The following TET3 variants were observed in gnomAD, a reference collection of about 807,000 sequenced individuals.
The protein encoded by TET3 is methylcytosine dioxygenase TET3.
Under a neutral mutation model 141.4 loss-of-function variants are expected in TET3, and 19 were observed. That is an observed-to-expected ratio of 0.13 (90% CI 0.09 to 0.20). The LOEUF (loss-of-function observed/expected upper bound fraction) is 0.20. Among genes scored for constraint, TET3 ranks in the 10% least tolerant of loss-of-function variants. The pLI, the probability that TET3 is intolerant of heterozygous loss-of-function variation, is 1.00. For missense variants in TET3, 1,874 were observed against 2,356.9 expected (o/e 0.80, Z 4.24); for synonymous variants, 1,043 against 980.9 (o/e 1.06, Z -1.18).
intron 4 of TET3, among the ~76,000 whole-genome samples, chr2:74,056,114 C>T (rs1282785578): frequency 6.6e-6 from 1 of 152,210 alleles, no homozygotes; most frequent in Non-Finnish European, 1.5e-5. Flanking sequence ...GACATCTGTA[C>T]ATTAATTGTA....
Position 74,100,937 on chromosome 2 carries a change from C to G in TET3, c.4149C>G (p.Ser1383=). The G allele has an allele frequency of 6.2e-7, 1 of 1,610,874 alleles. No homozygotes were observed. The highest frequency in any genetic ancestry group is 1.3e-5 in the African/African-American group (1 of 74,960). Residue 1383 remains serine, a synonymous_variant, in exon 12 of 12, where the codon TCC becomes TCG. Coordinates refer to ENST00000409262, the MANE Select transcript of TET3 (RefSeq NM_001287491.2). ...PLLHSVSRDP[S]PFAQSSNCYN... The stretch of plus-strand genomic sequence containing the variant: ...TCCACTCAGTGTCCAGGGACCCCTC[C>G]CCCTTTGCCCAGAGCTCCAACTGCT...
chr2:74,023,353 C>T (rs1686159457), intron 3 of TET3, among the ~76,000 whole-genome samples: 1 of 152,042 alleles, frequency 6.6e-6, no homozygotes. Context: ...ATCACTCCTC[C>T]TGCCTCAGCC....
Position 73,985,432 on chromosome 2 carries a change from C to G in TET3, c.-425+275C>G, listed in dbSNP as rs1683967123. 2.1e-5 allele frequency among the ~76,000 whole-genome samples: 3 copies of G among 144,136 alleles called. No homozygotes were observed. The South Asian group carries it at 6.3e-4, about 30-fold the overall frequency. The allele number at this position is 144,136 out of a possible 152,430, so 94.6% of individuals were successfully genotyped here. A position where few individuals can be genotyped will look rare whatever the true frequency, so the allele number is the denominator to read the frequency against. ...GCGGCGGCGCGCGCGCGGCCCGGCC[C>G]GCGGCTCGAGCGCGCCCCCCTCCCC... On this transcript the variant is annotated intron_variant, in intron 1 of 11. Transcript: ENST00000409262.
At chr2:74,076,441 G>GTTTTTTTTTTTTTTTTTT (rs70965785) in intron 5 of TET3, among the ~76,000 whole-genome samples, 3 of 56,584 alleles carry the variant, frequency 5.3e-5, no homozygotes, top group Non-Finnish European at 9.8e-5. Flanking sequence ...ATTCCTCTGG[G>GTTTTTTTTTTTTTTTTTT]TTTTTTTTTT....
intron 8 of TET3, 29 bp from the exon 9 acceptor site, chr2:74,092,873 T>G: frequency 1.9e-6 from 3 of 1,562,076 alleles, no homozygotes; most frequent in Non-Finnish European, 2.6e-6. Context: ...GGGGCTGCTC[T>G]GGATGTGTGA....
At chr2:74,038,805 A>T (rs921753435) in intron 3 of TET3, among the ~76,000 whole-genome samples, 5 of 152,212 alleles carry the variant, frequency 3.3e-5, no homozygotes, top group Admixed American at 6.5e-5. Context: ...ATACACTCTT[A>T]CGAAAAGATC....
At chr2:74,017,224 G>A (rs1417059697) in intron 3 of TET3, among the ~76,000 whole-genome samples, 1 of 152,114 alleles carries the variant, frequency 6.6e-6, no homozygotes, top group Admixed American at 6.5e-5. Context: ...AGGAGTTTGA[G>A]GCTGTAGTGA....
Position 74,093,076 on chromosome 2 carries a change from G to GA in TET3, c.3129+85_3129+86insA. ...CTGAAGGTGGGAAGTGGGAGAGTGG[G>GA]CTCTTTTACTCTCTTATGGGAAGAG... On this transcript the variant is annotated intron_variant, in intron 9 of 11. Coordinates refer to ENST00000409262, the MANE Select transcript of TET3 (RefSeq NM_001287491.2). The surrounding 1 kb of genome is among the most constrained non-coding windows in gnomAD (Gnocchi z 4.2). The GA allele has an allele frequency of 8.0e-7, 1 of 1,250,642 alleles. No homozygotes were observed. Among genetic ancestry groups the GA allele is most frequent in the South Asian group, 1.3e-5 (1 of 77,198 alleles). 77.5% of individuals were successfully genotyped at this position (1,250,642 alleles called of 1,614,324 possible). A position where few individuals can be genotyped will look rare whatever the true frequency, so the allele number is the denominator to read the frequency against.
rs894590235 is a variant in TET3, at chr2:74,101,961, G to A, written c.5173G>A (p.Glu1725Lys). The change falls in exon 12 of 12, where the codon GAG (glutamate) becomes AAG (lysine). Residue 1725 changes from glutamate to lysine, a missense_variant. Around this residue, in one of 10 missense-constraint regions of TET3, gnomAD observed 113 missense variants for 114.3 expected, o/e 0.99. Coordinates refer to ENST00000409262, the MANE Select transcript of TET3 (RefSeq NM_001287491.2). The surrounding 1 kb of genome is among the most constrained non-coding windows in gnomAD (Gnocchi z 8.5). ...QLAERARARQ[E>K]EAARLGLGQQ... ...GGCGGAGAGGGCACGGGCACGGCAG[G>A]AGGAGGCTGCCCGGCTGGGCCTGGG... 2 of 1,609,876 alleles carry A rather than the reference G, an allele frequency of 1.2e-6. No individual in the cohort carries two copies. The highest frequency in any genetic ancestry group is 1.7e-6 in the Non-Finnish European group (2 of 1,177,216).
At chr2:74,009,423 G>A (rs758576059) in intron 3 of TET3, among the ~76,000 whole-genome samples, 1 of 152,234 alleles carries the variant, frequency 6.6e-6, no homozygotes, top group Non-Finnish European at 1.5e-5. Flanking sequence ...AATAGGCTCA[G>A]GCTGGGGTAC....
chr2:74,108,916 C>A (rs1480500178), downstream of TET3, among the ~76,000 whole-genome samples: 1 of 152,166 alleles, frequency 6.6e-6, no homozygotes, highest in East Asian at 1.9e-4. Context: ...AGTGAAAATA[C>A]CATGATCATA....
At chr2:74,012,842 G>T (rs144978197) in intron 3 of TET3, among the ~76,000 whole-genome samples, 5 of 152,126 alleles carry the variant, frequency 3.3e-5, no homozygotes, top group Admixed American at 2.6e-4. Context: ...TTGAAGAAAT[G>T]GTTTCATTAC....
chr2:73,986,570 G>A lies in TET3; in HGVS notation c.167G>A (p.Arg56Gln). 1 of 1,232,224 alleles carries A rather than the reference G, an allele frequency of 8.1e-7. No individual in the cohort carries two copies. The allele number at this position is 1,232,224 out of a possible 1,614,324, so 76.3% of individuals were successfully genotyped here. The change falls in exon 2 of 12, where the codon CGG (arginine) becomes CAG (glutamine). Residue 56 changes from arginine (R) to glutamine (Q), a missense_variant. By Grantham distance (43) the Arg-to-Gln change is conservative. This residue lies in a region of TET3 where 366 missense variants were observed against 487.0 expected (regional missense o/e 0.75). Coordinates refer to ENST00000409262, the MANE Select transcript of TET3 (RefSeq NM_001287491.2). ...GGGDGRKKRK[R>Q]CGTCEPCRRL... ...GGAGATGGTCGAAAGAAACGGAAAC[G>A]GTGTGGTACTTGTGAGCCCTGCCGG...
chr2:74,120,730 T>G, the TET3 span: 1 of 152,336 alleles, frequency 6.6e-6, no homozygotes, highest in Admixed American at 6.5e-5. Flanking sequence ...CTTGAGAAAT[T>G]CATCATATCT....
chr2:74,069,589 C>A (rs1558766407), intron 4 of TET3, among the ~76,000 whole-genome samples: 1 of 147,680 alleles, frequency 6.8e-6, no homozygotes, highest in Admixed American at 6.8e-5. Flanking sequence ...CCTTTCTTAT[C>A]TTTTTTTTTT....
At position 73,989,058 on chromosome 2, in the gene TET3, A is replaced by T. The variant is rs1684198718; in HGVS notation, c.303+2352A>T. ...GCCAGAGAGTCACTGTCTAGGGTAT[A>T]CCACATTTAACGGGCATATCTGTGG... On this transcript the variant is annotated intron_variant, in intron 2 of 11. Transcript: ENST00000409262. Among the ~76,000 whole-genome samples the T allele has an allele frequency of 2.1e-5, 3 of 141,700 alleles. No homozygotes were observed. The Admixed American group carries it at 2.2e-4, about 10-fold the overall frequency. The allele number at this position is 141,700 out of a possible 152,430, so 93.0% of individuals were successfully genotyped here.
the TET3 span, chr2:74,130,859 C>G: frequency 6.6e-6 from 1 of 152,294 alleles, no homozygotes; most frequent in Non-Finnish European, 1.5e-5. Context: ...CTCTGGCTGC[C>G]TGGAAGTGCT....
chr2:74,132,440 T>G, the TET3 span, among the ~76,000 whole-genome samples: 1 of 152,148 alleles, frequency 6.6e-6, no homozygotes. Context: ...CCAGGCTGAG[T>G]GCAATGACAC....
chr2:74,104,632 G>T lies in TET3; in HGVS notation c.*2456G>T, dbSNP rs556880534. On this transcript the variant is annotated 3_prime_UTR_variant, in exon 12 of 12. Transcript: ENST00000409262. ...GAAGCCCCAGGTTGGCTGTTGGTTT[G>T]GAAGGTCCCGAGTGTAACCCAGGTG... 3.3e-5 allele frequency: 5 copies of T among 152,434 alleles called. No homozygotes were observed. In the South Asian group the frequency reaches 1.0e-3, roughly 32 times the overall value. 9.4% of individuals were successfully genotyped at this position (152,434 alleles called of 1,614,324 possible).
Sources: allele counts gnomAD v4.1 joint callset (sites outside exome capture counted in the v4.1 genomes callset), GRCh38; gene constraint gnomAD v4.1.1; regional missense constraint gnomAD v4.1.1; non-coding constraint Gnocchi (gnomAD v3.1); transcripts MANE v1.5; gene names NCBI Gene and HGNC (gene_info 2026-07-23, HGNC 2026-07-21).